The following SLC4A3 variants were observed in gnomAD, a reference collection of about 807,000 sequenced individuals.
SLC4A3 encodes solute carrier family 4 member 3.
A neutral mutation model predicts 114.2 loss-of-function variants in SLC4A3; 47 were observed. The ratio of observed to expected loss-of-function variants is 0.41; its 90% confidence interval spans 0.33 to 0.52. The LOEUF (loss-of-function observed/expected upper bound fraction) is 0.52, where lower values mean the gene tolerates loss of function less well. Ranked by LOEUF, SLC4A3 falls within the 20% of genes least tolerant of loss-of-function variation. The pLI, the probability that SLC4A3 is intolerant of heterozygous loss-of-function variation, is 0.21. For missense variants in SLC4A3, 1,312 were observed against 1,668.3 expected (o/e 0.79, Z 3.72); for synonymous variants, 693 against 710.3 (o/e 0.98, Z 0.39).
chr2:219,640,341 G>A (rs1699282121), intron 20 of SLC4A3, 89 bp from the exon 21 acceptor site: 11 of 1,452,058 alleles, frequency 7.6e-6, no homozygotes, highest in Non-Finnish European at 1.0e-5. Flanking sequence ...CTGTCTGAGG[G>A]TCAGGCAGAT....
chr2:219,633,836 C>A, intron 10 of SLC4A3, 44 bp from the exon 11 acceptor site: 1 of 1,550,810 alleles, frequency 6.4e-7, no homozygotes, highest in Admixed American at 2.0e-5. Context: ...CCTGCCACGG[C>A]CTCCGGTCTG....
chr2:219,635,741 G>A lies in SLC4A3; in HGVS notation c.2041G>A (p.Val681Ile), dbSNP rs757218227. The A allele has an allele frequency of 1.4e-5, 22 of 1,596,490 alleles. No individual in the cohort carries two copies. The East Asian group carries it at 4.7e-4, about 34-fold the overall frequency. Residue 681 changes from valine to isoleucine, a missense_variant, in exon 14 of 23, where the codon GTA becomes ATA. Around this residue, in one of 4 missense-constraint regions of SLC4A3, gnomAD observed 771 missense variants for 977.7 expected, o/e 0.79. Transcript: ENST00000358055. Reference protein sequence around the residue: ...EDDPLLRTGSVFGGLVRDVRR... With the variant: ...EDDPLLRTGSIFGGLVRDVRR... The stretch of plus-strand genomic sequence containing the variant: ...TGACCCCTTGCTGCGGACGGGCTCG[G>A]TATTTGGGGGGCTTGTGCGGGATGT...
chr2:219,630,177 C>T lies in SLC4A3; in HGVS notation c.636C>T (p.Ala212=). The part of the protein sequence containing the change: ...SSSSPSPRAR[A]SRLAGEKSRP... ...GCTCCCCCAGCCCCCGGGCCCGGGC[C>T]TCCCGACTCGCTGGGGAGAAAAGCC... The change falls in exon 6 of 23, where the codon GCC becomes GCT. Residue 212 remains alanine, a synonymous_variant. Coordinates refer to ENST00000358055, the MANE Select transcript of SLC4A3 (RefSeq NM_005070.4). The surrounding 1 kb of genome is among the most constrained non-coding windows in gnomAD (Gnocchi z 6.9). The T allele has an allele frequency of 6.2e-7, 1 of 1,605,668 alleles. No homozygotes were observed. The highest frequency in any genetic ancestry group is 8.5e-7 in the Non-Finnish European group (1 of 1,173,568).
Position 219,637,273 on chromosome 2 carries a change from G to A in SLC4A3, c.2536-308G>A, listed in dbSNP as rs1290757088. Among the ~76,000 whole-genome samples the A allele has an allele frequency of 2.0e-5, 3 of 150,908 alleles. No individual in the cohort carries two copies. Among genetic ancestry groups the A allele is most frequent in the Non-Finnish European group, 4.4e-5 (3 of 67,780 alleles). ...ATGTATGTGTTGTGTGTGTGTGCGTGTGTGTGCCTGTGTGTGCATGTTGTG... is the reference window on the plus strand; with the variant it reads ...ATGTATGTGTTGTGTGTGTGTGCGTATGTGTGCCTGTGTGTGCATGTTGTG... On this transcript the variant is annotated intron_variant, in intron 16 of 22. Coordinates refer to ENST00000358055, the MANE Select transcript of SLC4A3 (RefSeq NM_005070.4). This position sits in a 1 kb window ranked among gnomAD's most constrained non-coding sequence, Gnocchi z 4.6.
At position 219,636,268 on chromosome 2, in the gene SLC4A3, C is replaced by T; in HGVS notation, c.2192-34C>T. 1.2e-6 allele frequency: 2 copies of T among 1,611,032 alleles called. No homozygotes were observed. The highest frequency in any genetic ancestry group is 1.1e-5 in the South Asian group (1 of 91,032). On this transcript the variant is annotated intron_variant, in intron 14 of 22. Transcript: ENST00000358055. The surrounding 1 kb of genome is among the most constrained non-coding windows in gnomAD (Gnocchi z 5.5). ...TGAAGAAGGGGGCAGATAGACAGAG[C>T]CAGGCTAGGGCCATCCTACCCGTGC...
rs1021700991 is a variant in SLC4A3 at position 219,628,878 on chromosome 2, C to T, written c.218-266C>T. The T allele has an allele frequency of 8.6e-6, 5 of 583,888 alleles. No homozygotes were observed. The highest frequency in any genetic ancestry group is 1.5e-5 in the Non-Finnish European group (5 of 335,186). 36.2% of individuals were successfully genotyped at this position (583,888 alleles called of 1,614,324 possible). The stretch of plus-strand genomic sequence containing the variant: ...CCCTCCTTGTCCCACCTCGGCTAGT[C>T]CAACTCCGCCTTTCCCCTCCTTGCT... On this transcript the variant is annotated intron_variant, in intron 3 of 22. Transcript: ENST00000358055. The surrounding 1 kb of genome is among the most constrained non-coding windows in gnomAD (Gnocchi z 4.8).
chr2:219,629,527 G>T (rs1698843418), intron 4 of SLC4A3, 53 bp from the exon 5 acceptor site: 12 of 1,583,974 alleles, frequency 7.6e-6, no homozygotes, highest in Non-Finnish European at 7.8e-6. Flanking sequence ...GGTAGGGTTG[G>T]GGGCTGTATG....
chr2:219,641,856 GC>G lies in SLC4A3; in HGVS notation c.*130del. On this transcript the variant is annotated 3_prime_UTR_variant, in exon 23 of 23. Transcript: ENST00000358055. The surrounding 1 kb of genome is among the most constrained non-coding windows in gnomAD (Gnocchi z 4.0). ...AGATGTGCCTGGAACCACTCCTGATGCCATGGCTAGAGTGGCCCCCCTGACT... is the reference window on the plus strand; with the variant it reads ...AGATGTGCCTGGAACCACTCCTGATGCATGGCTAGAGTGGCCCCCCTGACT... 1 of 720,612 alleles carries G rather than the reference GC, an allele frequency of 1.4e-6. No homozygotes were observed. Among genetic ancestry groups the G allele is most frequent in the Non-Finnish European group, 2.4e-6 (1 of 422,268 alleles). 44.6% of individuals were successfully genotyped at this position (720,612 alleles called of 1,614,324 possible). A position where few individuals can be genotyped will look rare whatever the true frequency, so the allele number is the denominator to read the frequency against.
Position 219,641,821 on chromosome 2 carries a change from C to T in SLC4A3, c.*93C>T. 1 of 1,045,354 alleles carries T rather than the reference C, an allele frequency of 9.6e-7. No individual in the cohort carries two copies. Among genetic ancestry groups the T allele is most frequent in the Non-Finnish European group, 1.5e-6 (1 of 679,444 alleles). 64.8% of individuals were successfully genotyped at this position (1,045,354 alleles called of 1,614,324 possible). A position where few individuals can be genotyped will look rare whatever the true frequency, so the allele number is the denominator to read the frequency against. On this transcript the variant is annotated 3_prime_UTR_variant, in exon 23 of 23. Transcript: ENST00000358055. This position sits in a 1 kb window ranked among gnomAD's most constrained non-coding sequence, Gnocchi z 4.0. ...CCCAGCCCTGGGCTGGGGGGCTCCTCAGGACCCAGAGATGTGCCTGGAACC... is the reference window on the plus strand; with the variant it reads ...CCCAGCCCTGGGCTGGGGGGCTCCTTAGGACCCAGAGATGTGCCTGGAACC...
rs1434873353 is a variant in SLC4A3, at chr2:219,628,644, C to A, written c.217+74C>A. ...TTCATCGCCACCATCACCGCGCTCA[C>A]CTCCGGCTTGGTCACCCAGTGCCAT... On this transcript the variant is annotated intron_variant, in intron 3 of 22. Transcript: ENST00000358055. This position sits in a 1 kb window ranked among gnomAD's most constrained non-coding sequence, Gnocchi z 4.8. The A allele has an allele frequency of 2.0e-6, 3 of 1,493,734 alleles. No homozygotes were observed. Among genetic ancestry groups the A allele is most frequent in the African/African-American group, 1.4e-5 (1 of 71,804 alleles). 92.5% of individuals were successfully genotyped at this position (1,493,734 alleles called of 1,614,324 possible).
Position 219,632,913 on chromosome 2 carries a change from G to T in SLC4A3, c.1181G>T (p.Gly394Val). The change falls in exon 9 of 23, where the codon GGC (glycine) becomes GTC (valine). Residue 394 changes from glycine to valine, a missense_variant. Transcript: ENST00000358055. The part of the protein sequence containing the change: ...LLDLEQTTLP[G>V]IAHLVVETMI... ...GACCTGGAGCAAACCACCCTGCCAG[G>T]CATTGCACACCTCGTGGTGGAGACC... 1 of 1,614,146 alleles carries T rather than the reference G, an allele frequency of 6.2e-7. No individual in the cohort carries two copies. The highest frequency in any genetic ancestry group is 1.1e-5 in the South Asian group (1 of 91,084).
Position 219,629,395 on chromosome 2 carries a change from CA to C in SLC4A3, c.470del (p.His157ProfsTer113), listed in dbSNP as rs759883814. 1.5e-4 allele frequency: 239 copies of C among 1,565,224 alleles called. No homozygotes were observed. The highest frequency in any genetic ancestry group is 5.2e-4 in the Admixed American group (29 of 55,976). Reference sequence around the variant, plus strand: ...TGAGGCAGAACCTGTGGAGCCCCCCCACTCAGGGACCCCACAGAAGGCAAAG... The same window carrying C: ...TGAGGCAGAACCTGTGGAGCCCCCCCCTCAGGGACCCCACAGAAGGCAAAG... Reference protein sequence around the residue: ...ESEAEPVEPPHSGTPQKAKFS... With the variant: ...ESEAEPVEPPXSGTPQKAKFS... On this transcript the variant is annotated frameshift_variant, in exon 4 of 23. Transcript: ENST00000358055. LOFTEE classifies it high-confidence loss of function.
chr2:219,639,382 C>T lies in SLC4A3; in HGVS notation c.3024-100C>T. 7.2e-7 allele frequency: 1 copy of T among 1,394,162 alleles called. No homozygotes were observed. The highest frequency in any genetic ancestry group is 9.9e-7 in the Non-Finnish European group (1 of 1,013,702). The allele number at this position is 1,394,162 out of a possible 1,614,324, so 86.4% of individuals were successfully genotyped here. ...CAGTCCTAGGGAGAACTGTTGTCTG[C>T]ACGTCCTCCCCCCACCATCTCGTCT... On this transcript the variant is annotated intron_variant, in intron 19 of 22. Coordinates refer to ENST00000358055, the MANE Select transcript of SLC4A3 (RefSeq NM_005070.4). The surrounding 1 kb of genome is among the most constrained non-coding windows in gnomAD (Gnocchi z 5.9).
rs991545020 is a variant in SLC4A3 at position 219,628,655 on chromosome 2, G to C, written c.217+85G>C. 5 of 1,383,992 alleles carry C rather than the reference G, an allele frequency of 3.6e-6. No homozygotes were observed. The highest frequency in any genetic ancestry group is 5.0e-6 in the Non-Finnish European group (5 of 993,496). The allele number at this position is 1,383,992 out of a possible 1,614,324, so 85.7% of individuals were successfully genotyped here. ...CATCACCGCGCTCACCTCCGGCTTGGTCACCCAGTGCCATCCTGTGCCGGA... is the reference window on the plus strand; with the variant it reads ...CATCACCGCGCTCACCTCCGGCTTGCTCACCCAGTGCCATCCTGTGCCGGA... On this transcript the variant is annotated intron_variant, in intron 3 of 22. Coordinates refer to ENST00000358055, the MANE Select transcript of SLC4A3 (RefSeq NM_005070.4). The surrounding 1 kb of genome is among the most constrained non-coding windows in gnomAD (Gnocchi z 4.8).
chr2:219,632,827 C>G, intron 8 of SLC4A3, 47 bp from the exon 9 acceptor site: 1 of 1,605,034 alleles, frequency 6.2e-7, no homozygotes, highest in Non-Finnish European at 8.5e-7. Context: ...GGAGATTTTT[C>G]CTGTCTGATG....
chr2:219,636,209 T>C lies in SLC4A3; in HGVS notation c.2192-93T>C. On this transcript the variant is annotated intron_variant, in intron 14 of 22. Coordinates refer to ENST00000358055, the MANE Select transcript of SLC4A3 (RefSeq NM_005070.4). The surrounding 1 kb of genome is among the most constrained non-coding windows in gnomAD (Gnocchi z 5.5). ...GTGTCACTCTAAGGGGCTGCTCTGC[T>C]TTTGTTGGGGGCCCCAGTTTAGGAC... 1 of 1,489,074 alleles carries C rather than the reference T, an allele frequency of 6.7e-7. No individual in the cohort carries two copies. The highest frequency in any genetic ancestry group is 9.2e-7 in the Non-Finnish European group (1 of 1,083,134). 92.2% of individuals were successfully genotyped at this position (1,489,074 alleles called of 1,614,324 possible).
At position 219,637,937 on chromosome 2, in the gene SLC4A3, C is replaced by A. The variant is rs577210006; in HGVS notation, c.2766+126C>A. ...AAAACCCAGCTCGGGCAGCCCCTCA[C>A]CCCTTCGGAAGCCTCTTCCCTGGGT... On this transcript the variant is annotated intron_variant, in intron 17 of 22. Transcript: ENST00000358055. This position sits in a 1 kb window ranked among gnomAD's most constrained non-coding sequence, Gnocchi z 4.6. 1.6e-4 allele frequency: 123 copies of A among 778,222 alleles called. 1 individual carries two copies. In the East Asian group the frequency reaches 3.2e-3, roughly 20 times the overall value. 48.2% of individuals were successfully genotyped at this position (778,222 alleles called of 1,614,324 possible).
Position 219,637,995 on chromosome 2 carries a change from C to G in SLC4A3, c.2767-169C>G, listed in dbSNP as rs1699189503. Among the ~76,000 whole-genome samples the G allele has an allele frequency of 6.6e-6, 1 of 152,196 alleles. No individual in the cohort carries two copies. The highest frequency in any genetic ancestry group is 2.4e-5 in the African/African-American group (1 of 41,444). On this transcript the variant is annotated intron_variant, in intron 17 of 22. Transcript: ENST00000358055. This position sits in a 1 kb window ranked among gnomAD's most constrained non-coding sequence, Gnocchi z 4.6. Reference sequence around the variant, plus strand: ...TGCCCTTTGCTCAGAGAAGTCTAATCAAGACAACAGCCTCCCAGGCTGCGC... The same window carrying G: ...TGCCCTTTGCTCAGAGAAGTCTAATGAAGACAACAGCCTCCCAGGCTGCGC...
rs771467121 is a variant in SLC4A3 at position 219,633,406 on chromosome 2, T to C, written c.1410T>C (p.Asp470=). The C allele has an allele frequency of 6.3e-7, 1 of 1,581,572 alleles. No homozygotes were observed. The highest frequency in any genetic ancestry group is 2.3e-5 in the East Asian group (1 of 43,940). ...GPDGAVPTMA[D]DLGEPAPLWP... The stretch of plus-strand genomic sequence containing the variant: ...ATGGGGCGGTGCCTACCATGGCTGA[T>C]GACCTGGGGGAGCCAGCCCCACTCT... Residue 470 remains aspartate (D), a synonymous_variant, in exon 10 of 23, where the codon GAT becomes GAC. Transcript: ENST00000358055.
Sources: allele counts gnomAD v4.1 joint callset (sites outside exome capture counted in the v4.1 genomes callset), GRCh38; gene constraint gnomAD v4.1.1; regional missense constraint gnomAD v4.1.1; non-coding constraint Gnocchi (gnomAD v3.1); transcripts MANE v1.5; gene names NCBI Gene and HGNC (gene_info 2026-07-23, HGNC 2026-07-21).